Variants in GANC observed in about 807,000 individuals in gnomAD.
GANC encodes the protein neutral alpha-glucosidase C.
GANC carries 117 observed loss-of-function variants against 124.2 expected under a neutral mutation model. The ratio of observed to expected loss-of-function variants is 0.94; its 90% confidence interval spans 0.81 to 1.10. The LOEUF is 1.10. GANC is among the 50% of genes least tolerant of loss of function. The pLI is 0.00. For missense variants in GANC, 1,140 were observed against 1,095.0 expected, an observed-to-expected ratio of 1.04 and a Z score of -0.58; for synonymous variants, 377 against 376.8, an observed-to-expected ratio of 1.00 and a Z score of -0.01.
At chr15:42,340,652 C>CT (rs747788532) in intron 17 of GANC, 38 bp from the exon 18 acceptor site, 18 of 1,417,066 alleles carry the variant, frequency 1.3e-5, no homozygotes, top group African/African-American at 4.4e-5. Context: ...AATAAGATGT[C>CT]TATAATGTTA....
At chr15:42,274,900 A>G (rs1304127190) in intron 1 of GANC, among the ~76,000 whole-genome samples, 2 of 151,764 alleles carry the variant, frequency 1.3e-5, no homozygotes, top group Non-Finnish European at 2.9e-5. Flanking sequence ...CCTGTCTCCA[A>G]AAAAAAAGGA....
chr15:42,302,344 G>A (rs1335672173), intron 6 of GANC, among the ~76,000 whole-genome samples: 4 of 152,154 alleles, frequency 2.6e-5, no homozygotes, highest in Admixed American at 2.0e-4. Flanking sequence ...AACCCTATCC[G>A]AAGGTCACCA....
chr15:42,323,027 T>C (rs1015582940), intron 11 of GANC, among the ~76,000 whole-genome samples: 1 of 152,228 alleles, frequency 6.6e-6, no homozygotes, highest in African/African-American at 2.4e-5. Context: ...TCCCAATTAA[T>C]AAATAGTTAC....
chr15:42,283,443 G>GAT (rs1244570871), intron 3 of GANC, among the ~76,000 whole-genome samples: 1 of 152,174 alleles, frequency 6.6e-6, no homozygotes, highest in Non-Finnish European at 1.5e-5. Context: ...GAGAAAGAGA[G>GAT]ATCTAGTCTT....
intron 18 of GANC, among the ~76,000 whole-genome samples, chr15:42,341,143 A>C (rs1040987166): frequency 7.0e-6 from 1 of 143,496 alleles, no homozygotes; most frequent in African/African-American, 2.6e-5. Context: ...AGAGCAATAA[A>C]AAAGTTCCTA....
intron 15 of GANC, among the ~76,000 whole-genome samples, chr15:42,332,851 TAAAAA>T (rs5812220): frequency 2.5e-5 from 3 of 120,502 alleles, no homozygotes; most frequent in African/African-American, 3.2e-5. Context: ...CTGTCTCTAC[TAAAAA>T]AAAAAAAAAA....
intron 5 of GANC, among the ~76,000 whole-genome samples, chr15:42,295,000 C>G (rs1595766948): frequency 7.7e-6 from 1 of 130,122 alleles, no homozygotes; most frequent in East Asian, 2.4e-4. Context: ...GAGATGGAGT[C>G]TCGCTCTGTC....
chr15:42,277,221 C>T (rs1361535506), intron 2 of GANC, among the ~76,000 whole-genome samples: 1 of 152,144 alleles, frequency 6.6e-6, no homozygotes, highest in Admixed American at 6.6e-5. Flanking sequence ...ACCATTTGTA[C>T]TCCTATCAAC....
chr15:42,309,690 A>G (rs957058789), intron 8 of GANC, among the ~76,000 whole-genome samples: 3 of 151,282 alleles, frequency 2.0e-5, no homozygotes, highest in Non-Finnish European at 2.9e-5. Flanking sequence ...TGTGCTTGCT[A>G]TTGTGGAGTA....
At chr15:42,291,090 G>A (rs1266955782) in intron 4 of GANC, among the ~76,000 whole-genome samples, 6 of 151,984 alleles carry the variant, frequency 3.9e-5, no homozygotes, top group African/African-American at 1.5e-4. Flanking sequence ...CATGCCCAGA[G>A]AGCCAATTAC....
chr15:42,303,762 C>A (rs949706850), intron 6 of GANC, among the ~76,000 whole-genome samples: 1 of 150,504 alleles, frequency 6.6e-6, no homozygotes. Flanking sequence ...CAAAAAAGGG[C>A]ATTACATAAT....
rs1595789141 is a variant in GANC at position 42,353,120 on chromosome 15, A to G, written c.*981A>G. 1.0e-6 allele frequency: 1 copy of G among 985,784 alleles called. No individual in the cohort carries two copies. 61.1% of individuals were successfully genotyped at this position (985,784 alleles called of 1,614,324 possible). On this transcript the variant is annotated 3_prime_UTR_variant, in exon 24 of 24. Transcript: ENST00000318010. ...GTCCCAGGCTCTAATATGGCTTGGC[A>G]TGGGGCAGAACATTACAACATACCA... is the stretch of plus-strand genomic sequence containing the variant.
rs2052453567 is a variant in GANC, at chr15:42,352,315, T to G, written c.*176T>G. ...ATTTCATGTTTCAAAATTTCAGATT[T>G]TACATGTTAAGATGTACTAACAATA... On this transcript the variant is annotated 3_prime_UTR_variant, in exon 24 of 24. Transcript: ENST00000318010. The G allele has an allele frequency of 7.0e-7, 1 of 1,419,494 alleles. No individual in the cohort carries two copies. The highest frequency in any genetic ancestry group is 1.4e-5 in the African/African-American group (1 of 69,254). 87.9% of individuals were successfully genotyped at this position (1,419,494 alleles called of 1,614,324 possible).
In GANC at chr15:42,327,395, A is replaced by T; in HGVS notation, c.1453A>T (p.Lys485Ter). Residue 485 changes from lysine to a stop codon, truncating the protein, a stop_gained, in exon 13 of 24, where the codon AAG becomes TAG. Coordinates refer to ENST00000318010, the MANE Select transcript of GANC (RefSeq NM_198141.3). LOFTEE classifies it high-confidence loss of function. ...CTCTTACCTGGATTTCACCAATCCCAAGGTCAGAGAGTGGTATTCAAGTCT... is the reference window on the plus strand; with the variant it reads ...CTCTTACCTGGATTTCACCAATCCCTAGGTCAGAGAGTGGTATTCAAGTCT... ...LSSYLDFTNP[K>*]VREWYSSLFA... The T allele has an allele frequency of 6.2e-7, 1 of 1,613,418 alleles. No individual in the cohort carries two copies. The highest frequency in any genetic ancestry group is 8.5e-7 in the Non-Finnish European group (1 of 1,179,596).
rs1490429508 is a variant in GANC, at chr15:42,352,528, C to A, written c.*389C>A. 1.9e-6 allele frequency: 2 copies of A among 1,032,856 alleles called. No homozygotes were observed. The highest frequency in any genetic ancestry group is 2.3e-6 in the Non-Finnish European group (2 of 857,562). The allele number at this position is 1,032,856 out of a possible 1,614,324, so 64.0% of individuals were successfully genotyped here. ...AGGCCATGCAGCATTGGCGCTCTGG[C>A]TGCAGCAGCTGAGTTGCTCAAGGCC... On this transcript the variant is annotated 3_prime_UTR_variant, in exon 24 of 24. Coordinates refer to ENST00000318010, the MANE Select transcript of GANC (RefSeq NM_198141.3).
At chr15:42,309,552 T>C (rs539328665) in intron 8 of GANC, among the ~76,000 whole-genome samples, 1 of 152,014 alleles carries the variant, frequency 6.6e-6, no homozygotes, top group East Asian at 2.0e-4. Flanking sequence ...TCTCTTGACC[T>C]CATGATCCAC....
intron 10 of GANC, among the ~76,000 whole-genome samples, chr15:42,312,397 T>G (rs1045144062): frequency 5.9e-5 from 9 of 152,198 alleles, no homozygotes; most frequent in Non-Finnish European, 8.8e-5. Flanking sequence ...TGAGATGTGA[T>G]GGTTATAAAA....
intron 14 of GANC, among the ~76,000 whole-genome samples, chr15:42,330,288 T>C (rs2052232189): frequency 6.6e-6 from 1 of 152,194 alleles, no homozygotes; most frequent in African/African-American, 2.4e-5. Context: ...GGAGATTATA[T>C]GAGAAAATTA....
Position 42,273,336 on chromosome 15 carries a change from C to T in GANC, c.-1146C>T. On this transcript the variant is annotated 5_prime_UTR_variant, in exon 1 of 24. It adds an upstream start codon to the 5' untranslated region. Coordinates refer to ENST00000318010, the MANE Select transcript of GANC (RefSeq NM_198141.3). ...CCGCACTGAAAAACGACAGTGGTGA[C>T]GGGTGAGCTCCCAGAAGCAGAAGAA... 1 of 1,614,102 alleles carries T rather than the reference C, an allele frequency of 6.2e-7. No homozygotes were observed. The highest frequency in any genetic ancestry group is 8.5e-7 in the Non-Finnish European group (1 of 1,180,032).
Sources: allele counts gnomAD v4.1 joint callset (sites outside exome capture counted in the v4.1 genomes callset), GRCh38; gene constraint gnomAD v4.1.1; transcripts MANE v1.5; gene names NCBI Gene and HGNC (gene_info 2026-07-23, HGNC 2026-07-21).